Variants in URI1 observed in about 807,000 individuals in gnomAD.
The protein encoded by URI1 is URI1 prefoldin like chaperone.
A neutral mutation model predicts 60.2 loss-of-function variants in URI1; 39 were observed. The ratio of observed to expected loss-of-function variants is 0.65; its 90% CI spans 0.50 to 0.85. The LOEUF is 0.85. Among genes scored for constraint, URI1 ranks in the 40% least tolerant of loss-of-function variants. URI1 has a pLI of 0.00. For synonymous variants in URI1, 251 were observed against 236.8 expected (o/e 1.06, Z -0.55); for missense variants, 691 against 665.9 (o/e 1.04, Z -0.42).
chr19:29,990,143 T>A (rs906402940), intron 4 of URI1, among the ~76,000 whole-genome samples: 2 of 152,238 alleles, frequency 1.3e-5, no homozygotes, highest in Non-Finnish European at 2.9e-5. Flanking sequence ...GAAAATACTG[T>A]TCTGTCTCCA....
chr19:30,012,278 A>G lies in URI1; in HGVS notation c.1179-7A>G. ...TAGTGAATGCATATGTGTTTTGAAT[A>G]TCACAGAGCCTTTGTTGATGTTGTG... is the stretch of plus-strand genomic sequence containing the variant. On this transcript the variant is annotated splice_region_variant and splice_polypyrimidine_tract_variant and intron_variant, in intron 9 of 10. Coordinates refer to ENST00000392271, the MANE Select transcript of URI1 (RefSeq NM_003796.3). The G allele has an allele frequency of 6.2e-7, 1 of 1,606,724 alleles. No homozygotes were observed. Among genetic ancestry groups the G allele is most frequent in the Non-Finnish European group, 8.5e-7 (1 of 1,175,078 alleles).
At chr19:29,971,956 C>T (rs1201457798) in intron 2 of URI1, among the ~76,000 whole-genome samples, 1 of 151,928 alleles carries the variant, frequency 6.6e-6, no homozygotes, top group Non-Finnish European at 1.5e-5. Context: ...AGGGTTATTG[C>T]AAAAATCATG....
chr19:29,941,798 A>C (rs1177312924), upstream of URI1, among the ~76,000 whole-genome samples: 1 of 152,152 alleles, frequency 6.6e-6, no homozygotes, highest in Admixed American at 6.5e-5. Context: ...CAACTCACTA[A>C]AAAGGCACAG....
intron 2 of URI1, among the ~76,000 whole-genome samples, chr19:29,974,695 A>T (rs572915953): frequency 9.9e-4 from 151 of 152,270 alleles, no homozygotes; most frequent in Non-Finnish European, 1.7e-3. Context: ...TCACCCAGAT[A>T]GCATAGTACC....
At chr19:29,945,504 G>A (rs1698464654) in intron 1 of URI1, among the ~76,000 whole-genome samples, 1 of 152,236 alleles carries the variant, frequency 6.6e-6, no homozygotes, top group Admixed American at 6.5e-5. Flanking sequence ...TCTGTAGTCA[G>A]CGGTTAGGAT....
At chr19:30,010,035 C>T (rs1191441706) in intron 8 of URI1, among the ~76,000 whole-genome samples, 1 of 152,130 alleles carries the variant, frequency 6.6e-6, no homozygotes, top group African/African-American at 2.4e-5. Flanking sequence ...TGCCTTAAGT[C>T]CATCTTTGCC....
chr19:29,953,690 A>AT (rs2055207463), intron 1 of URI1, among the ~76,000 whole-genome samples: 1 of 58,796 alleles, frequency 1.7e-5, no homozygotes, highest in African/African-American at 4.3e-5. Context: ...TTTTCTTATT[A>AT]GTTTTTTTTT....
At chr19:29,927,634 T>G (rs2054881313) in intron 1 of URI1, among the ~76,000 whole-genome samples, 1 of 129,618 alleles carries the variant, frequency 7.7e-6, no homozygotes, top group African/African-American at 2.9e-5. Flanking sequence ...TGGAGTGCAA[T>G]GGCGTGATCT....
At chr19:30,011,942 A>G (rs938666420) in intron 9 of URI1, among the ~76,000 whole-genome samples, 1 of 151,974 alleles carries the variant, frequency 6.6e-6, no homozygotes, top group Non-Finnish European at 1.5e-5. Context: ...AGATACACCT[A>G]ATGTAAATGA....
chr19:29,961,526 T>C (rs2055323584), intron 1 of URI1, among the ~76,000 whole-genome samples: 1 of 152,172 alleles, frequency 6.6e-6, no homozygotes, highest in Non-Finnish European at 1.5e-5. Context: ...CATTGTATTA[T>C]AGAATGTATT....
At chr19:30,005,872 G>A (rs1599722810) in intron 6 of URI1, among the ~76,000 whole-genome samples, 164 bp downstream of exon 6, 1 of 151,922 alleles carries the variant, frequency 6.6e-6, no homozygotes, top group East Asian at 1.9e-4. Flanking sequence ...AAACATTAAT[G>A]GATAAATAAC....
intron 4 of URI1, among the ~76,000 whole-genome samples, chr19:29,989,693 TC>T (rs530665101): frequency 1.1e-3 from 160 of 152,204 alleles, no homozygotes; most frequent in African/African-American, 3.8e-3. Context: ...CACCTTGGCC[TC>T]CCAAAGTGCT....
rs2055035766 is a variant in URI1 at position 29,942,266 on chromosome 19, C to T, written c.-282C>T. ...GTGGGGAGGCGCGGCCGCCACGCGA[C>T]GCCTGGCTGGGCCCGCACCGGAGAG... On this transcript the variant is annotated 5_prime_UTR_variant, in exon 1 of 11. In the 5' UTR this introduces an upstream ATG that the reference lacks. Transcript: ENST00000392271. 2.0e-6 allele frequency: 2 copies of T among 984,658 alleles called. No homozygotes were observed. The highest frequency in any genetic ancestry group is 1.2e-6 in the Non-Finnish European group (1 of 829,628). 61.0% of individuals were successfully genotyped at this position (984,658 alleles called of 1,614,324 possible). A position where few individuals can be genotyped will look rare whatever the true frequency, so the allele number is the denominator to read the frequency against.
rs3049080 is a variant in URI1, at chr19:29,927,560, C to CTTTTTTTTTTTTTTTTTTTTT, written c.63+3812_63+3832dup. ...TACAAGCATGAGCCACTGCACCCGG[C>CTTTTTTTTTTTTTTTTTTTTT]TTTTTTTTTTTTTTTTTTTTTTTTT... On this transcript the variant is annotated intron_variant, in intron 1 of 10. Transcript: ENST00000360605. 7.5e-5 allele frequency among the ~76,000 whole-genome samples: 3 copies of CTTTTTTTTTTTTTTTTTTTTT among 39,812 alleles called. 1 individual carries two copies. The highest frequency in any genetic ancestry group is 3.8e-4 in the African/African-American group (3 of 7,840). The allele number at this position is 39,812 out of a possible 152,430, so 26.1% of individuals were successfully genotyped here.
chr19:29,986,862 T>C (rs1430259184), intron 4 of URI1, among the ~76,000 whole-genome samples: 2 of 152,196 alleles, frequency 1.3e-5, no homozygotes, highest in African/African-American at 4.8e-5. Flanking sequence ...AAATGCTTTT[T>C]GGTTTGGAAA....
intron 2 of URI1, among the ~76,000 whole-genome samples, chr19:29,978,997 T>C (rs1332150555): frequency 6.6e-6 from 1 of 152,180 alleles, no homozygotes; most frequent in Non-Finnish European, 1.5e-5. Context: ...GCCTAGAGTT[T>C]TTCTAGTTTC....
chr19:29,987,933 C>A (rs906158248), intron 4 of URI1, among the ~76,000 whole-genome samples: 2 of 152,010 alleles, frequency 1.3e-5, no homozygotes, highest in Non-Finnish European at 2.9e-5. Flanking sequence ...TTTGGGAGGA[C>A]AAGGCAGGTG....
At chr19:29,950,329 CTGT>C (rs528929923) in intron 1 of URI1, among the ~76,000 whole-genome samples, 2 of 152,116 alleles carry the variant, frequency 1.3e-5, no homozygotes, top group African/African-American at 2.4e-5. Flanking sequence ...TTTGTTTTAC[CTGT>C]TGTTATCATT....
At chr19:29,987,212 A>G (rs920344697) in intron 4 of URI1, among the ~76,000 whole-genome samples, 134 of 152,342 alleles carry the variant, frequency 8.8e-4, no homozygotes, top group African/African-American at 3.1e-3. Flanking sequence ...TTTTAGTTAA[A>G]TGTGTATTTG....
Sources: allele counts gnomAD v4.1 joint callset (sites outside exome capture counted in the v4.1 genomes callset), GRCh38; gene constraint gnomAD v4.1.1; transcripts MANE v1.5; gene names NCBI Gene and HGNC (gene_info 2026-07-23, HGNC 2026-07-21).